DCLK1: variants seen among roughly 807,000 people sequenced by gnomAD.
The protein encoded by DCLK1 is serine/threonine-protein kinase DCLK1.
Under a neutral mutation model 86.2 loss-of-function variants are expected in DCLK1, and 16 were observed. That is an observed-to-expected ratio of 0.19 (90% confidence interval 0.13 to 0.28). DCLK1 has a LOEUF of 0.28. Ranked by LOEUF, DCLK1 falls within the 10% of genes least tolerant of loss-of-function variation. The pLI is 1.00. For missense variants in DCLK1, 590 were observed against 940.2 expected (o/e 0.63, Z 4.87); for synonymous variants, 369 against 370.5 (o/e 1.00, Z 0.05).
intron 3 of DCLK1, among the ~76,000 whole-genome samples, chr13:35,969,992 G>A (rs1878988610): frequency 6.6e-6 from 1 of 152,102 alleles, no homozygotes; most frequent in South Asian, 2.1e-4. Flanking sequence ...GGACTTCCCA[G>A]CCTCCAGAAC....
At chr13:35,917,811 G>A (rs572017095) in intron 4 of DCLK1, among the ~76,000 whole-genome samples, 5 of 152,156 alleles carry the variant, frequency 3.3e-5, no homozygotes, top group Non-Finnish European at 5.9e-5. Flanking sequence ...TTCCTGTGGC[G>A]GGGGGCAGGG....
At chr13:36,032,409 G>A (rs531086203) in intron 3 of DCLK1, among the ~76,000 whole-genome samples, 80 of 152,238 alleles carry the variant, frequency 5.3e-4, no homozygotes, top group African/African-American at 1.9e-3. Flanking sequence ...CTCCCAAAGT[G>A]TTGGGATTAT....
chr13:35,820,629 T>C (rs1311604808), intron 11 of DCLK1, among the ~76,000 whole-genome samples: 2 of 152,202 alleles, frequency 1.3e-5, no homozygotes, highest in Non-Finnish European at 1.5e-5. Context: ...TTTCAGTCGC[T>C]GAAGTTTGGG....
chr13:35,847,651 G>GAAAGA, intron 6 of DCLK1: 6 of 602,220 alleles, frequency 1.0e-5, no homozygotes, highest in African/African-American at 2.4e-5. Flanking sequence ...AAGAAAGAAA[G>GAAAGA]AAAGAAAAAG....
At position 35,991,397 on chromosome 13, in the gene DCLK1, C is replaced by T. The variant is rs190604806; in HGVS notation, c.724-43940G>A. The stretch of plus-strand genomic sequence containing the variant: ...AGATTAAAGGCCAGATGTGGTGGCT[C>T]ACATCTGTAATCCCAGCACTTTGGG... On this transcript the variant is annotated intron_variant, in intron 3 of 16. Transcript: ENST00000360631. 1.4e-3 allele frequency among the ~76,000 whole-genome samples: 208 copies of T among 152,188 alleles called. 2 individuals carry two copies. The highest frequency in any genetic ancestry group is 3.2e-4 in the Non-Finnish European group (22 of 68,020).
chr13:35,959,665 C>T (rs1878346997), intron 3 of DCLK1, among the ~76,000 whole-genome samples: 1 of 152,074 alleles, frequency 6.6e-6, no homozygotes. Flanking sequence ...TTGTAGTCTC[C>T]AGGGGAGAAT....
intron 4 of DCLK1, among the ~76,000 whole-genome samples, chr13:35,883,395 C>T (rs922772714): frequency 6.6e-6 from 1 of 152,114 alleles, no homozygotes; most frequent in Non-Finnish European, 1.5e-5. Context: ...TGGCACCTTC[C>T]CTTCTCCCTT....
At chr13:35,893,989 G>T (rs1873796174) in intron 4 of DCLK1, among the ~76,000 whole-genome samples, 1 of 152,054 alleles carries the variant, frequency 6.6e-6, no homozygotes, top group South Asian at 2.1e-4. Context: ...TTTGTATCAT[G>T]CATACAATTA....
chr13:35,965,311 G>A (rs1320233759), intron 3 of DCLK1, among the ~76,000 whole-genome samples: 1 of 152,216 alleles, frequency 6.6e-6, no homozygotes, highest in East Asian at 1.9e-4. Flanking sequence ...GGCTGGGCAT[G>A]CGTTGGCCAT....
intron 16 of DCLK1, among the ~76,000 whole-genome samples, chr13:35,792,385 G>A (rs952813969): frequency 1.3e-5 from 2 of 151,534 alleles, no homozygotes; most frequent in South Asian, 2.1e-4. Flanking sequence ...TAGAGCTCTC[G>A]CGCAACCAAA....
intron 3 of DCLK1, among the ~76,000 whole-genome samples, chr13:35,994,304 A>T (rs1880379776): frequency 6.6e-6 from 1 of 152,208 alleles, no homozygotes; most frequent in Non-Finnish European, 1.5e-5. Context: ...TTAGTCAGAT[A>T]AAATATAAGC....
intron 15 of DCLK1, among the ~76,000 whole-genome samples, chr13:35,796,629 G>A (rs1010011062): frequency 6.6e-6 from 1 of 152,108 alleles, no homozygotes; most frequent in Non-Finnish European, 1.5e-5. Context: ...TTGAACATGG[G>A]CAAAATGAGG....
At chr13:35,978,787 T>C (rs947503346) in intron 3 of DCLK1, among the ~76,000 whole-genome samples, 28 of 152,164 alleles carry the variant, frequency 1.8e-4, no homozygotes, top group African/African-American at 6.8e-4. Context: ...TTTTTTTCTG[T>C]AAGGCCCCAT....
chr13:36,096,232 C>T (rs542959138), intron 3 of DCLK1, among the ~76,000 whole-genome samples: 1 of 152,308 alleles, frequency 6.6e-6, no homozygotes, highest in African/African-American at 2.4e-5. Flanking sequence ...AAGCCCAAGG[C>T]CTTTGAATCT....
chr13:35,877,602 A>G (rs1044235246), intron 4 of DCLK1, among the ~76,000 whole-genome samples: 3 of 152,172 alleles, frequency 2.0e-5, no homozygotes, highest in African/African-American at 7.2e-5. Flanking sequence ...TTTGAAACCA[A>G]CCAGCATAAA....
chr13:35,960,780 A>G (rs2153137215), intron 3 of DCLK1, among the ~76,000 whole-genome samples: 1 of 152,312 alleles, frequency 6.6e-6, no homozygotes, highest in Non-Finnish European at 1.5e-5. Flanking sequence ...AGCTTTCCAC[A>G]AATAATTTCT....
intron 3 of DCLK1, among the ~76,000 whole-genome samples, chr13:36,014,755 T>C (rs549905483): frequency 6.6e-6 from 1 of 152,322 alleles, no homozygotes; most frequent in Non-Finnish European, 1.5e-5. Flanking sequence ...TTATTCAGTA[T>C]ATTAGTGTGT....
intron 7 of DCLK1, 48 bp downstream of exon 7, chr13:35,839,044 G>A: frequency 2.0e-6 from 3 of 1,530,626 alleles, no homozygotes; most frequent in Non-Finnish European, 2.7e-6. Context: ...AGTAAATTTA[G>A]CCAACCCATC....
chr13:36,075,790 G>T (rs866502273), intron 3 of DCLK1, among the ~76,000 whole-genome samples: 18 of 152,268 alleles, frequency 1.2e-4, no homozygotes, highest in Middle Eastern at 3.4e-3. Flanking sequence ...GCCGAGGCAG[G>T]CAGATCACCT....
Sources: allele counts gnomAD v4.1 joint callset (sites outside exome capture counted in the v4.1 genomes callset), GRCh38; gene constraint gnomAD v4.1.1; transcripts MANE v1.5; gene names NCBI Gene and HGNC (gene_info 2026-07-23, HGNC 2026-07-21).